The following B3GALT1 variants were observed in gnomAD, a reference collection of about 807,000 sequenced individuals.
The protein encoded by B3GALT1 is beta-1,3-galactosyltransferase 1.
Under a neutral mutation model 23.2 loss-of-function variants are expected in B3GALT1, and 10 were observed. That is an observed-to-expected ratio of 0.43 (90% CI 0.27 to 0.73). The LOEUF is 0.73. B3GALT1 is among the 30% of genes least tolerant of loss of function. The pLI, the probability that B3GALT1 is intolerant of heterozygous loss-of-function variation, is 0.21. For missense variants in B3GALT1, 299 were observed against 405.4 expected, an observed-to-expected ratio of 0.74 and a Z score of 2.25; for synonymous variants, 156 against 141.5, an observed-to-expected ratio of 1.10 and a Z score of -0.73.
intron 3 of B3GALT1, among the ~76,000 whole-genome samples, chr2:167,741,018 T>C (rs1053285284): frequency 6.6e-6 from 1 of 152,192 alleles, no homozygotes; most frequent in African/African-American, 2.4e-5. Flanking sequence ...ACAATGAGAA[T>C]AGAGAACAGA....
At chr2:167,663,365 G>A (rs2105474814) in intron 3 of B3GALT1, among the ~76,000 whole-genome samples, 1 of 151,468 alleles carries the variant, frequency 6.6e-6, no homozygotes, top group East Asian at 1.9e-4. Flanking sequence ...TATCATTGTT[G>A]GACATTTGGG....
chr2:167,295,894 C>T (rs1287242555), intron 1 of B3GALT1, among the ~76,000 whole-genome samples: 2 of 151,756 alleles, frequency 1.3e-5, no homozygotes, highest in South Asian at 2.1e-4. Flanking sequence ...TGTCAATGGT[C>T]ATAAATATTA....
intron 1 of B3GALT1, among the ~76,000 whole-genome samples, chr2:167,461,855 C>T (rs975250879): frequency 2.6e-5 from 4 of 152,076 alleles, no homozygotes; most frequent in African/African-American, 9.7e-5. Flanking sequence ...TAGAGTGTAG[C>T]AATGTGACCT....
At chr2:167,480,421 C>T (rs1190607336) in intron 1 of B3GALT1, among the ~76,000 whole-genome samples, 2 of 152,180 alleles carry the variant, frequency 1.3e-5, no homozygotes, top group Admixed American at 6.5e-5. Context: ...CAATTTCTCC[C>T]ACTGTCGTAA....
At chr2:167,499,078 A>G (rs1699813837) in intron 2 of B3GALT1, among the ~76,000 whole-genome samples, 1 of 152,150 alleles carries the variant, frequency 6.6e-6, no homozygotes, top group Non-Finnish European at 1.5e-5. Context: ...ATATTAAAAG[A>G]ATTCTGTAGT....
chr2:167,785,502 T>C (rs1688327289), intron 3 of B3GALT1, among the ~76,000 whole-genome samples: 4 of 152,208 alleles, frequency 2.6e-5, no homozygotes, highest in Non-Finnish European at 5.9e-5. Context: ...CATACCGTTC[T>C]AATCAGGTTG....
At chr2:167,396,920 T>C (rs936118198) in intron 1 of B3GALT1, among the ~76,000 whole-genome samples, 9 of 152,068 alleles carry the variant, frequency 5.9e-5, no homozygotes, top group Non-Finnish European at 1.2e-4. Flanking sequence ...ATGAACAAAG[T>C]TCTCAACAGC....
intron 1 of B3GALT1, among the ~76,000 whole-genome samples, chr2:167,331,840 T>C (rs1696977796): frequency 6.6e-6 from 1 of 152,154 alleles, no homozygotes; most frequent in South Asian, 2.1e-4. Context: ...GCAGAGTTGC[T>C]TTCCCTGGGA....
In B3GALT1 at chr2:167,434,423, T is replaced by G. The variant is rs539323652; in HGVS notation, c.-510-55754T>G. Among the ~76,000 whole-genome samples, 11 of 151,970 alleles carry G rather than the reference T, an allele frequency of 7.2e-5. No homozygotes were observed. The East Asian group carries it at 2.1e-3, about 29-fold the overall frequency. ...TGCCAACTGGTTTCATCTATATCTC[T>G]GCCCACTCTCCCACCCCCCAATCTT... On this transcript the variant is annotated intron_variant, in intron 1 of 4. Transcript: ENST00000392690.
chr2:167,533,675 C>T (rs761739318), intron 2 of B3GALT1, among the ~76,000 whole-genome samples: 2 of 152,144 alleles, frequency 1.3e-5, no homozygotes, highest in Non-Finnish European at 2.9e-5. Context: ...TTTAACCACT[C>T]TAATTGGACA....
At chr2:167,470,187 A>G (rs1699403979) in intron 1 of B3GALT1, among the ~76,000 whole-genome samples, 1 of 152,144 alleles carries the variant, frequency 6.6e-6, no homozygotes, top group East Asian at 1.9e-4. Flanking sequence ...GTTTGATGCC[A>G]TTAATTTAAT....
At chr2:167,831,197 T>C (rs1196821525) in intron 4 of B3GALT1, among the ~76,000 whole-genome samples, 1 of 152,246 alleles carries the variant, frequency 6.6e-6, no homozygotes, top group Middle Eastern at 3.2e-3. Flanking sequence ...AATCATACTT[T>C]CTAATAGTTC....
intron 3 of B3GALT1, among the ~76,000 whole-genome samples, chr2:167,676,385 C>T (rs1254543730): frequency 2.0e-5 from 3 of 151,790 alleles, no homozygotes; most frequent in Non-Finnish European, 4.4e-5. Context: ...TAAGTGAATA[C>T]GTAAAGGCTT....
intron 2 of B3GALT1, among the ~76,000 whole-genome samples, chr2:167,499,760 C>T (rs1294872673): frequency 6.6e-6 from 1 of 152,064 alleles, no homozygotes; most frequent in African/African-American, 2.4e-5. Flanking sequence ...TTAGGAAACA[C>T]CTCAGTGCCC....
intron 2 of B3GALT1, among the ~76,000 whole-genome samples, chr2:167,584,007 T>C: frequency 8.2e-6 from 1 of 121,244 alleles, no homozygotes; most frequent in East Asian, 2.4e-4. Flanking sequence ...TAATTCAAGA[T>C]AGCTAGAGAC....
intron 2 of B3GALT1, among the ~76,000 whole-genome samples, chr2:167,631,028 A>G (rs1474603960): frequency 6.7e-6 from 1 of 148,234 alleles, no homozygotes; most frequent in East Asian, 2.0e-4. Flanking sequence ...AAGGGGGGGG[A>G]ATTTTACTTT....
At chr2:167,520,788 G>A (rs961670748) in intron 2 of B3GALT1, among the ~76,000 whole-genome samples, 1 of 152,116 alleles carries the variant, frequency 6.6e-6, no homozygotes, top group African/African-American at 2.4e-5. Context: ...TAAAATTTCC[G>A]TTGAAATCTC....
At chr2:167,772,160 G>T (rs948242037) in intron 3 of B3GALT1, among the ~76,000 whole-genome samples, 1 of 152,270 alleles carries the variant, frequency 6.6e-6, no homozygotes. Flanking sequence ...AATTGACAAG[G>T]TGCAAGTAAA....
intron 1 of B3GALT1, among the ~76,000 whole-genome samples, chr2:167,400,426 T>C (rs1698170225): frequency 6.6e-6 from 1 of 152,106 alleles, no homozygotes; most frequent in Non-Finnish European, 1.5e-5. Context: ...TTGCTCATAT[T>C]TTCCATCTTC....
Sources: gnomAD v4.1 joint callset for allele counts (sites outside exome capture counted in the v4.1 genomes callset) on GRCh38, gnomAD v4.1.1 for gene constraint, MANE v1.5 for transcripts, NCBI Gene and HGNC (gene_info 2026-07-23, HGNC 2026-07-21) for gene names.